SARDH: variants seen among roughly 807,000 people sequenced by gnomAD.
The protein encoded by SARDH is sarcosine dehydrogenase, mitochondrial.
A neutral mutation model predicts 109.1 loss-of-function variants in SARDH; 95 were observed. The observed-to-expected ratio is 0.87, with a 90% CI of 0.74 to 1.03. The LOEUF (loss-of-function observed/expected upper bound fraction) is 1.03. SARDH is among the 50% of genes least tolerant of loss of function. The probability of loss-of-function intolerance (pLI) is 0.00; values close to 1 mark genes in which losing one functional copy is unlikely to be tolerated. For missense variants in SARDH, 1,267 were observed against 1,287.8 expected (o/e 0.98, Z 0.25); for synonymous variants, 572 against 534.8 (o/e 1.07, Z -0.96).
In SARDH at chr9:133,688,699, C is replaced by T. The variant is rs573153099; in HGVS notation, c.2069+1681G>A. 2.6e-4 allele frequency among the ~76,000 whole-genome samples: 39 copies of T among 152,356 alleles called. 1 individual carries two copies. Among genetic ancestry groups the T allele is most frequent in the African/African-American group, 9.4e-4 (39 of 41,592 alleles). On this transcript the variant is annotated intron_variant, in intron 16 of 20. Coordinates refer to ENST00000439388, the MANE Select transcript of SARDH (RefSeq NM_001134707.2). ...CCTCAATGCGTGCCTCAGACATACG[C>T]ACTGGCCTGCCACGGGGCCTTTGCA... is the stretch of plus-strand genomic sequence containing the variant.
chr9:133,670,834 C>T, intron 18 of SARDH, 82 bp from the exon 19 acceptor site: 4 of 1,440,962 alleles, frequency 2.8e-6, no homozygotes, highest in Non-Finnish European at 3.6e-6. Context: ...GCTGCCTAAA[C>T]CCACCCCCTC....
intron 8 of SARDH, among the ~76,000 whole-genome samples, chr9:133,716,860 G>A (rs1428678916): frequency 1.3e-5 from 2 of 152,358 alleles, no homozygotes; most frequent in South Asian, 4.1e-4. Flanking sequence ...TCTGGGAGCG[G>A]TGGGGGCTGG....
chr9:133,700,318 C>A (rs1451821055), intron 13 of SARDH, among the ~76,000 whole-genome samples: 1 of 151,306 alleles, frequency 6.6e-6, no homozygotes, highest in Non-Finnish European at 1.5e-5. Context: ...CAGAGCAAGA[C>A]CCCATCTCAA....
chr9:133,711,573 G>A (rs1056321414), intron 10 of SARDH, among the ~76,000 whole-genome samples: 1 of 152,214 alleles, frequency 6.6e-6, no homozygotes, highest in Non-Finnish European at 1.5e-5. Context: ...GCAGCTGGGG[G>A]GCCTCAGTGT....
At chr9:133,722,989 T>C (rs669730) in intron 6 of SARDH, among the ~76,000 whole-genome samples, 130 of 152,284 alleles carry the variant, frequency 8.5e-4, no homozygotes, top group Non-Finnish European at 1.5e-3. Context: ...TACTCTAGCA[T>C]TGAATAATCT....
In SARDH at chr9:133,685,211, C is replaced by T; in HGVS notation, c.2145G>A (p.Leu715=). The T allele has an allele frequency of 6.2e-7, 1 of 1,613,914 alleles. No homozygotes were observed. Among genetic ancestry groups the T allele is most frequent in the African/African-American group, 1.3e-5 (1 of 75,034 alleles). Residue 715 remains leucine, a synonymous_variant, in exon 17 of 21, where the codon CTG becomes CTA. Transcript: ENST00000439388. The part of the protein sequence containing the change: ...EAFPFSTHKL[L]RAAGHLVRAM... ...AACCTACCAGGTGCCCTGCGGCTCTCAGTAGCTTGTGGGTGGAGAACGGGA... is the reference window on the plus strand; with the variant it reads ...AACCTACCAGGTGCCCTGCGGCTCTTAGTAGCTTGTGGGTGGAGAACGGGA...
intron 16 of SARDH, among the ~76,000 whole-genome samples, chr9:133,685,494 G>A (rs1203699259): frequency 6.6e-6 from 1 of 152,224 alleles, no homozygotes; most frequent in East Asian, 1.9e-4. Flanking sequence ...TAACGCTAGG[G>A]CTAGCAGGAC....
At chr9:133,720,288 C>T (rs1003094335) in intron 6 of SARDH, among the ~76,000 whole-genome samples, 6 of 151,972 alleles carry the variant, frequency 3.9e-5, no homozygotes, top group African/African-American at 1.5e-4. Flanking sequence ...ATTAACCGGG[C>T]GTGGTGGTGG....
chr9:133,709,509 G>A lies in SARDH; in HGVS notation c.1329-1081C>T, dbSNP rs1457636648. Among the ~76,000 whole-genome samples the A allele has an allele frequency of 6.6e-6, 1 of 152,104 alleles. No homozygotes were observed. Among genetic ancestry groups the A allele is most frequent in the African/African-American group, 2.4e-5 (1 of 41,422 alleles). On this transcript the variant is annotated intron_variant, in intron 10 of 20. Transcript: ENST00000439388. This position sits in a 1 kb window ranked among gnomAD's most constrained non-coding sequence, Gnocchi z 4.2. Reference sequence around the variant, plus strand: ...TGCTAGAACCTCACTCATCACTCAAGGCTGCCTCAGCAGCCACATCAGAGG... The same window carrying A: ...TGCTAGAACCTCACTCATCACTCAAAGCTGCCTCAGCAGCCACATCAGAGG...
intron 14 of SARDH, among the ~76,000 whole-genome samples, chr9:133,694,885 G>A (rs920865846): frequency 6.6e-6 from 1 of 152,182 alleles, no homozygotes; most frequent in Non-Finnish European, 1.5e-5. Flanking sequence ...GAGAAACAGG[G>A]ATGTGTGGGC....
intron 6 of SARDH, among the ~76,000 whole-genome samples, chr9:133,727,304 C>T (rs967670099): frequency 4.6e-5 from 7 of 152,224 alleles, no homozygotes; most frequent in African/African-American, 1.2e-4. Flanking sequence ...ATGAACCACA[C>T]GTGAGACCTG....
chr9:133,685,238 G>C lies in SARDH; in HGVS notation c.2118C>G (p.Ala706=), dbSNP rs1425172489. The part of the protein sequence containing the change: ...EVLDADLSNE[A]FPFSTHKLLR... ...GTAGCTTGTGGGTGGAGAACGGGAAGGCCTCGTTGCTCAGGTCTGCGTCCA... is the reference window on the plus strand; with the variant it reads ...GTAGCTTGTGGGTGGAGAACGGGAACGCCTCGTTGCTCAGGTCTGCGTCCA... The change falls in exon 17 of 21, where the codon GCC becomes GCG. Residue 706 remains alanine (A), a synonymous_variant. Coordinates refer to ENST00000439388, the MANE Select transcript of SARDH (RefSeq NM_001134707.2). 4 of 1,613,928 alleles carry C rather than the reference G, an allele frequency of 2.5e-6. No homozygotes were observed. The highest frequency in any genetic ancestry group is 3.4e-6 in the Non-Finnish European group (4 of 1,179,990).
intron 17 of SARDH, among the ~76,000 whole-genome samples, chr9:133,683,500 G>C (rs142135720): frequency 6.6e-6 from 1 of 152,168 alleles, no homozygotes; most frequent in African/African-American, 2.4e-5. Flanking sequence ...AGCTGGAGTC[G>C]GGCCATCTGA....
chr9:133,684,874 C>A (rs1429361364), intron 17 of SARDH, among the ~76,000 whole-genome samples: 1 of 152,216 alleles, frequency 6.6e-6, no homozygotes, highest in African/African-American at 2.4e-5. Flanking sequence ...CTGCCCCGCG[C>A]CTTTCAGGAG....
At chr9:133,661,353 C>A (rs894350310), downstream of SARDH, among the ~76,000 whole-genome samples, 10 of 150,002 alleles carry the variant, frequency 6.7e-5, no homozygotes, top group East Asian at 7.9e-4. Flanking sequence ...AAAAAAACAA[C>A]AACAACAAAA....
At position 133,692,354 on chromosome 9, in the gene SARDH, G is replaced by A. The variant is rs764667765; in HGVS notation, c.1922-1827C>T. ...TGCGGCTATGGGCTGTGCCTGGGCC[G>A]CCCCTCTACTGGGGGCTGATGCCTA... On this transcript the variant is annotated intron_variant, in intron 15 of 20. Transcript: ENST00000439388. The surrounding 1 kb of genome is among the most constrained non-coding windows in gnomAD (Gnocchi z 5.0). Among the ~76,000 whole-genome samples the A allele has an allele frequency of 4.2e-4, 64 of 152,088 alleles. No individual in the cohort carries two copies. Among genetic ancestry groups the A allele is most frequent in the South Asian group, 1.0e-3 (5 of 4,832 alleles).
intron 20 of SARDH, among the ~76,000 whole-genome samples, chr9:133,665,040 A>G (rs571926407): frequency 2.6e-5 from 4 of 152,288 alleles, no homozygotes; most frequent in African/African-American, 9.6e-5. Context: ...TGGGTGCTAG[A>G]AAATGTTTAA....
At chr9:133,661,380 C>T (rs1588358291), downstream of SARDH, among the ~76,000 whole-genome samples, 1 of 152,064 alleles carries the variant, frequency 6.6e-6, no homozygotes, top group East Asian at 1.9e-4. Context: ...AAAATGGAAC[C>T]TTTCTGCGTC....
At chr9:133,727,907 A>T (rs1832546913) in intron 6 of SARDH, among the ~76,000 whole-genome samples, 1 of 152,110 alleles carries the variant, frequency 6.6e-6, no homozygotes, top group Admixed American at 6.5e-5. Context: ...GGATGGAGCC[A>T]CAGTCCTGGG....
Sources: allele counts gnomAD v4.1 joint callset (sites outside exome capture counted in the v4.1 genomes callset), GRCh38; gene constraint gnomAD v4.1.1; non-coding constraint Gnocchi (gnomAD v3.1); transcripts MANE v1.5; gene names NCBI Gene and HGNC (gene_info 2026-07-23, HGNC 2026-07-21).